CHODL: variants seen among roughly 807,000 people sequenced by gnomAD.
CHODL encodes transmembrane protein MT75.
In CHODL, 29 loss-of-function variants were observed where a neutral mutation model predicts 34.5. The observed-to-expected ratio is 0.84, with a 90% CI of 0.63 to 1.15. The LOEUF is 1.15. Ranked by LOEUF, CHODL falls within the 50% of genes most tolerant of loss-of-function variation. CHODL has a pLI of 0.00. For synonymous variants in CHODL, 125 were observed against 116.1 expected (o/e 1.08, Z -0.49); for missense variants, 332 against 332.5 (o/e 1.00, Z 0.01).
At chr21:18,061,753 T>G (rs2064669266) in intron 2 of CHODL, among the ~76,000 whole-genome samples, 1 of 152,164 alleles carries the variant, frequency 6.6e-6, no homozygotes, top group South Asian at 2.1e-4. Flanking sequence ...AAAGTAGGCA[T>G]CAGCAAAGAT....
chr21:18,242,862 C>G (rs116562571), upstream of CHODL, among the ~76,000 whole-genome samples: 1,662 of 152,204 alleles, frequency 0.011, 37 homozygotes, highest in African/African-American at 0.036. Context: ...ACAAAAAATG[C>G]CTTCATTCTT....
intron 1 of CHODL, among the ~76,000 whole-genome samples, chr21:17,931,323 A>G (rs2063271627): frequency 6.6e-6 from 1 of 152,240 alleles, no homozygotes; most frequent in Non-Finnish European, 1.5e-5. Flanking sequence ...CATGCTAACA[A>G]GAAGTACACA....
At chr21:18,011,985 A>G (rs902696464) in intron 1 of CHODL, among the ~76,000 whole-genome samples, 1 of 152,246 alleles carries the variant, frequency 6.6e-6, no homozygotes, top group Non-Finnish European at 1.5e-5. Flanking sequence ...TGTGCAGGAC[A>G]TTGTTCTATG....
chr21:18,200,580 T>G (rs963067172), intron 2 of CHODL, among the ~76,000 whole-genome samples: 3 of 152,196 alleles, frequency 2.0e-5, no homozygotes, highest in Admixed American at 6.5e-5. Flanking sequence ...ATTGCATACA[T>G]TTGATACATT....
intron 2 of CHODL, among the ~76,000 whole-genome samples, chr21:18,193,249 A>G (rs1601129598): frequency 2.0e-5 from 3 of 152,340 alleles, no homozygotes; most frequent in Admixed American, 2.0e-4. Flanking sequence ...ATTATACAAG[A>G]TATTGAAATG....
chr21:18,233,561 A>C (rs1289404610), intron 2 of CHODL, among the ~76,000 whole-genome samples: 1 of 152,122 alleles, frequency 6.6e-6, no homozygotes, highest in East Asian at 1.9e-4. Context: ...TAAGAGCAGG[A>C]AGGCCAAATT....
chr21:17,981,607 C>T (rs563431870), intron 1 of CHODL, among the ~76,000 whole-genome samples: 18 of 152,186 alleles, frequency 1.2e-4, no homozygotes, highest in East Asian at 1.2e-3. Context: ...AGGAATAATA[C>T]GTCAAACATT....
upstream of CHODL, among the ~76,000 whole-genome samples, chr21:18,242,273 CA>C (rs570409334): frequency 1.2e-3 from 190 of 152,270 alleles, 1 homozygote; most frequent in Non-Finnish European, 2.4e-3. Flanking sequence ...ACACCTTATG[CA>C]TATCCACAAG....
Position 18,255,867 on chromosome 21 carries a change from A to C in CHODL, c.80-642A>C, listed in dbSNP as rs578008034. On this transcript the variant is annotated intron_variant, in intron 1 of 5. Transcript: ENST00000299295. Reference sequence around the variant, plus strand: ...CAAAGACCCCAGAAAATACTCAAAAAATTGGTAATGAGATTTTTTCAGAGA... The same window carrying C: ...CAAAGACCCCAGAAAATACTCAAAACATTGGTAATGAGATTTTTTCAGAGA... Among the ~76,000 whole-genome samples the C allele has an allele frequency of 3.9e-5, 6 of 152,214 alleles. No individual in the cohort carries two copies. The South Asian group carries it at 8.3e-4, about 21-fold the overall frequency.
intron 2 of CHODL, among the ~76,000 whole-genome samples, chr21:18,165,281 G>A (rs1390374094): frequency 6.6e-6 from 1 of 151,932 alleles, no homozygotes; most frequent in Non-Finnish European, 1.5e-5. Context: ...CTCACTTGTG[G>A]TATTTTATAT....
intron 1 of CHODL, among the ~76,000 whole-genome samples, chr21:18,251,261 G>A (rs1488282945): frequency 6.7e-6 from 1 of 150,338 alleles, no homozygotes; most frequent in Non-Finnish European, 1.5e-5. Context: ...AATCTTTGTT[G>A]TGACAGTGAT....
At chr21:17,938,624 G>A (rs1425483230) in intron 1 of CHODL, among the ~76,000 whole-genome samples, 3 of 151,616 alleles carry the variant, frequency 2.0e-5, no homozygotes, top group African/African-American at 7.3e-5. Context: ...GACTACAGGC[G>A]CCCGCCACCG....
chr21:18,075,452 A>G (rs1342196813), intron 2 of CHODL, among the ~76,000 whole-genome samples: 2 of 152,194 alleles, frequency 1.3e-5, no homozygotes, highest in Non-Finnish European at 2.9e-5. Flanking sequence ...TTGAAACTAT[A>G]AAGTCAGACA....
rs796276944 is a variant in CHODL at position 18,217,542 on chromosome 21, T to A, written c.-44-38967T>A. Reference sequence around the variant, plus strand: ...GCGTCCTTCCCAGCAGAGGTGGGGATTATAGGAACTACGATTCAAGATGAG... The same window carrying A: ...GCGTCCTTCCCAGCAGAGGTGGGGAATATAGGAACTACGATTCAAGATGAG... On this transcript the variant is annotated intron_variant, in intron 2 of 6. Transcript: ENST00000400127. Among the ~76,000 whole-genome samples the A allele has an allele frequency of 3.3e-5, 5 of 151,948 alleles. 1 individual carries two copies. The highest frequency in any genetic ancestry group is 1.2e-4 in the African/African-American group (5 of 41,462).
chr21:18,200,142 C>G (rs1193795015), intron 2 of CHODL, among the ~76,000 whole-genome samples: 1 of 151,834 alleles, frequency 6.6e-6, no homozygotes, highest in African/African-American at 2.4e-5. Flanking sequence ...TTTATTTCAG[C>G]CATTAGAGAT....
chr21:18,030,214 A>G (rs1022825335), intron 2 of CHODL, among the ~76,000 whole-genome samples: 1 of 152,194 alleles, frequency 6.6e-6, no homozygotes, highest in Non-Finnish European at 1.5e-5. Context: ...CGGTGTACGC[A>G]TTCTCTTGCC....
chr21:17,931,695 A>C (rs909481962), intron 1 of CHODL, among the ~76,000 whole-genome samples: 4 of 151,982 alleles, frequency 2.6e-5, no homozygotes, highest in African/African-American at 9.7e-5. Flanking sequence ...AGATATCTTA[A>C]AAAAAGACAG....
chr21:17,975,885 A>G (rs2063657827), intron 1 of CHODL, among the ~76,000 whole-genome samples: 1 of 152,142 alleles, frequency 6.6e-6, no homozygotes, highest in Non-Finnish European at 1.5e-5. Context: ...CCTTATTAGA[A>G]CCCAAAACAA....
At chr21:18,024,367 C>CA (rs1334290852) in intron 1 of CHODL, among the ~76,000 whole-genome samples, 1 of 152,110 alleles carries the variant, frequency 6.6e-6, no homozygotes, top group Non-Finnish European at 1.5e-5. Context: ...AAAGGTAGGG[C>CA]AGGGCGCAAG....
Sources: allele counts gnomAD v4.1 joint callset (sites outside exome capture counted in the v4.1 genomes callset), GRCh38; gene constraint gnomAD v4.1.1; transcripts MANE v1.5; gene names NCBI Gene and HGNC (gene_info 2026-07-23, HGNC 2026-07-21).